LPGAT1: variants seen among roughly 807,000 people sequenced by gnomAD.
LPGAT1 encodes the protein lysophosphatidylglycerol acyltransferase 1.
LPGAT1 carries 11 observed loss-of-function variants against 47.5 expected under a neutral mutation model. The ratio of observed to expected loss-of-function variants is 0.23; its 90% CI spans 0.15 to 0.38. The LOEUF (loss-of-function observed/expected upper bound fraction) is 0.38, where lower values mean the gene tolerates loss of function less well. Among genes scored for constraint, LPGAT1 ranks in the 10% least tolerant of loss-of-function variants. The probability of loss-of-function intolerance (pLI) is 1.00; values close to 1 mark genes in which losing one functional copy is unlikely to be tolerated. For missense variants in LPGAT1, 293 were observed against 439.0 expected, an observed-to-expected ratio of 0.67 and a Z score of 2.97; for synonymous variants, 138 against 144.2, an observed-to-expected ratio of 0.96 and a Z score of 0.31.
At chr1:211,777,582 T>C (rs1015483687) in intron 6 of LPGAT1, among the ~76,000 whole-genome samples, 26 of 152,070 alleles carry the variant, frequency 1.7e-4, no homozygotes, top group African/African-American at 6.0e-4. Flanking sequence ...CTAGCATAGA[T>C]AGTCAATAAA....
intron 5 of LPGAT1, among the ~76,000 whole-genome samples, chr1:211,781,147 A>C (rs879848942): frequency 6.6e-6 from 1 of 152,250 alleles, no homozygotes; most frequent in Admixed American, 6.5e-5. Context: ...ATATAGGTAA[A>C]ACTAGTTTTC....
At chr1:211,752,640 C>A (rs1262112656) in intron 6 of LPGAT1, among the ~76,000 whole-genome samples, 1 of 152,040 alleles carries the variant, frequency 6.6e-6, no homozygotes, top group Non-Finnish European at 1.5e-5. Context: ...CTAAATATAC[C>A]TTTCTGGAAA....
intron 4 of LPGAT1, among the ~76,000 whole-genome samples, chr1:211,786,425 T>C (rs1285638333): frequency 2.0e-5 from 3 of 152,256 alleles, no homozygotes. Flanking sequence ...TTGTTAAATA[T>C]GTAAACACCA....
chr1:211,764,228 G>C (rs1030825025), intron 6 of LPGAT1, among the ~76,000 whole-genome samples: 1 of 151,020 alleles, frequency 6.6e-6, no homozygotes, highest in African/African-American at 2.4e-5. Context: ...CTGTGTCTAT[G>C]ATTATACCTA....
chr1:211,786,006 C>T (rs1400854639), intron 4 of LPGAT1, among the ~76,000 whole-genome samples: 1 of 152,174 alleles, frequency 6.6e-6, no homozygotes, highest in Non-Finnish European at 1.5e-5. Flanking sequence ...AGGTGCTCAG[C>T]TAGCTTTTCG....
chr1:211,814,012 A>G (rs1055319792), intron 2 of LPGAT1, among the ~76,000 whole-genome samples: 1 of 152,250 alleles, frequency 6.6e-6, no homozygotes, highest in African/African-American at 2.4e-5. Flanking sequence ...AAATGTGTCC[A>G]GCCTTAACAT....
At chr1:211,770,611 A>G (rs1475699234) in intron 6 of LPGAT1, among the ~76,000 whole-genome samples, 1 of 152,194 alleles carries the variant, frequency 6.6e-6, no homozygotes, top group Non-Finnish European at 1.5e-5. Context: ...TGTCATAGTC[A>G]TTGTAATGCC....
intron 6 of LPGAT1, among the ~76,000 whole-genome samples, chr1:211,775,055 T>C (rs900462619): frequency 6.6e-6 from 1 of 152,224 alleles, no homozygotes; most frequent in Admixed American, 6.5e-5. Flanking sequence ...CTCCATATAC[T>C]TGCTTGTCAC....
chr1:211,796,023 C>T (rs148569992), intron 2 of LPGAT1, among the ~76,000 whole-genome samples: 206 of 152,032 alleles, frequency 1.4e-3, no homozygotes, highest in Admixed American at 3.7e-3. Context: ...CCAAATAGTC[C>T]TTTAACGCAA....
Position 211,801,252 on chromosome 1 carries a change from G to A in LPGAT1, c.239-8062C>T, listed in dbSNP as rs945128077. Among the ~76,000 whole-genome samples, 4 of 152,182 alleles carry A rather than the reference G, an allele frequency of 2.6e-5. No homozygotes were observed. The East Asian group carries it at 5.8e-4, about 22-fold the overall frequency. On this transcript the variant is annotated intron_variant, in intron 2 of 7. Transcript: ENST00000366997. ...ATATTCTTATCACCAGGAATGGGGA[G>A]TCAATGCAGGGATGAGTCTGCACAA...
At chr1:211,805,507 G>A (rs1325733481) in intron 2 of LPGAT1, among the ~76,000 whole-genome samples, 1 of 151,998 alleles carries the variant, frequency 6.6e-6, no homozygotes, top group Non-Finnish European at 1.5e-5. Context: ...GAAAAGTCAG[G>A]GACCATCTGT....
intron 2 of LPGAT1, among the ~76,000 whole-genome samples, chr1:211,827,368 TG>T (rs1660571520): frequency 6.6e-6 from 1 of 152,214 alleles, no homozygotes. Context: ...AGCTATGCTA[TG>T]GCCATAGGAC....
intron 2 of LPGAT1, among the ~76,000 whole-genome samples, chr1:211,795,110 C>T (rs937882373): frequency 1.3e-5 from 2 of 152,030 alleles, no homozygotes; most frequent in African/African-American, 2.4e-5. Flanking sequence ...TTTTAGATAT[C>T]GGTTCCACAA....
At chr1:211,784,126 C>A (rs1165843461) in intron 4 of LPGAT1, among the ~76,000 whole-genome samples, 1 of 152,168 alleles carries the variant, frequency 6.6e-6, no homozygotes, top group African/African-American at 2.4e-5. Flanking sequence ...GCCAGTGTGG[C>A]TGAAGTGTGA....
intron 6 of LPGAT1, among the ~76,000 whole-genome samples, chr1:211,775,009 T>G (rs888508599): frequency 1.3e-5 from 2 of 152,314 alleles, no homozygotes; most frequent in South Asian, 2.1e-4. Context: ...GAAGGGAGTT[T>G]TACTCTGTGG....
At chr1:211,809,182 G>A (rs111704251) in intron 2 of LPGAT1, among the ~76,000 whole-genome samples, 7,120 of 151,870 alleles carry the variant, frequency 0.047, 251 homozygotes, top group African/African-American at 0.091. Flanking sequence ...TCCAGCCTGG[G>A]CGACAGTGCG....
chr1:211,796,309 T>A (rs953124947), intron 2 of LPGAT1, among the ~76,000 whole-genome samples: 5 of 151,840 alleles, frequency 3.3e-5, no homozygotes, highest in Admixed American at 6.6e-5. Flanking sequence ...TGGATTAGGG[T>A]GGGCCCTAAA....
At chr1:211,780,077 T>C (rs2102533417) in intron 5 of LPGAT1, among the ~76,000 whole-genome samples, 1 of 151,730 alleles carries the variant, frequency 6.6e-6, no homozygotes, top group South Asian at 2.1e-4. Flanking sequence ...CTCGGGAGGC[T>C]GAGGCAGGAG....
chr1:211,756,074 A>G (rs1324356976), intron 6 of LPGAT1, among the ~76,000 whole-genome samples: 1 of 152,136 alleles, frequency 6.6e-6, no homozygotes. Flanking sequence ...CGTCTCTACT[A>G]AAAATACAAA....
Sources: gnomAD v4.1 joint callset for allele counts (sites outside exome capture counted in the v4.1 genomes callset) on GRCh38, gnomAD v4.1.1 for gene constraint, MANE v1.5 for transcripts, NCBI Gene and HGNC (gene_info 2026-07-23, HGNC 2026-07-21) for gene names.